The following APBB2 variants were observed in gnomAD, a reference collection of about 807,000 sequenced individuals.
APBB2 encodes the protein amyloid beta precursor protein binding family B member 2.
A neutral mutation model predicts 82.5 loss-of-function variants in APBB2; 38 were observed. The ratio of observed to expected loss-of-function variants is 0.46; its 90% CI spans 0.36 to 0.60. APBB2 has a LOEUF of 0.60. Among genes scored for constraint, APBB2 ranks in the 20% least tolerant of loss-of-function variants. APBB2 has a pLI of 0.00. For synonymous variants in APBB2, 341 were observed against 368.2 expected (o/e 0.93, Z 0.85); for missense variants, 772 against 972.3 (o/e 0.79, Z 2.74).
intron 4 of APBB2, among the ~76,000 whole-genome samples, chr4:41,043,262 G>A (rs1185493884): frequency 6.6e-6 from 1 of 152,080 alleles, no homozygotes; most frequent in Non-Finnish European, 1.5e-5. Flanking sequence ...TCCATCATTA[G>A]GAAACTGATT....
At chr4:40,854,394 C>T (rs1216966995) in intron 12 of APBB2, among the ~76,000 whole-genome samples, 3 of 152,226 alleles carry the variant, frequency 2.0e-5, no homozygotes, top group Admixed American at 6.5e-5. Context: ...ACCCATGAAA[C>T]GTATATGGAG....
At chr4:40,885,785 C>G (rs1472855128) in intron 12 of APBB2, among the ~76,000 whole-genome samples, 1 of 152,160 alleles carries the variant, frequency 6.6e-6, no homozygotes, top group Non-Finnish European at 1.5e-5. Flanking sequence ...GAAGTGTGTT[C>G]CATGTGATTG....
intron 4 of APBB2, among the ~76,000 whole-genome samples, chr4:41,049,188 C>G (rs987459084): frequency 6.7e-6 from 1 of 150,204 alleles, no homozygotes; most frequent in African/African-American, 2.5e-5. Flanking sequence ...GGGAGCGCCT[C>G]TGCCCCGCCG....
chr4:41,022,487 C>A lies in APBB2; in HGVS notation c.20-8089G>T, dbSNP rs79453547. Among the ~76,000 whole-genome samples, 1,266 of 152,328 alleles carry A rather than the reference C, an allele frequency of 8.3e-3. 20 individuals carry two copies. Among genetic ancestry groups the A allele is most frequent in the African/African-American group, 0.028 (1,148 of 41,570 alleles). ...TCTCAGTACCCTTCCTTCCCTCCAG[C>A]AAATTCCTACTCCTCTTTGAAGATT... On this transcript the variant is annotated intron_variant, in intron 5 of 17. Transcript: ENST00000508593.
intron 12 of APBB2, chr4:40,857,111 G>A: frequency 1.0e-6 from 1 of 985,484 alleles, no homozygotes; most frequent in Non-Finnish European, 1.2e-6. Flanking sequence ...CCAGCCAGCG[G>A]TGCCGTCGCT....
chr4:40,828,981 T>C (rs1243929268), intron 13 of APBB2, among the ~76,000 whole-genome samples: 1 of 152,002 alleles, frequency 6.6e-6, no homozygotes, highest in Non-Finnish European at 1.5e-5. Context: ...GGAAGAATTG[T>C]GGGAGTGAGG....
At chr4:41,086,108 CA>C (rs371477463) in intron 3 of APBB2, among the ~76,000 whole-genome samples, 321 of 152,038 alleles carry the variant, frequency 2.1e-3, no homozygotes, top group African/African-American at 7.3e-3. Context: ...CAAAACTTAC[CA>C]AAACTGAATC....
intron 4 of APBB2, among the ~76,000 whole-genome samples, chr4:41,054,047 A>G (rs141661800): frequency 1.4e-4 from 22 of 152,358 alleles, no homozygotes; most frequent in African/African-American, 5.1e-4. Flanking sequence ...CAACAAAAAG[A>G]AAGGAGTTGG....
chr4:40,828,294 CCAGTTACATA>C lies in APBB2; in HGVS notation c.1645-1085_1645-1076del, dbSNP rs60734276. Among the ~76,000 whole-genome samples, 214 of 152,300 alleles carry C rather than the reference CCAGTTACATA, an allele frequency of 1.4e-3. 2 individuals carry two copies. In the East Asian group the frequency reaches 0.02, roughly 14 times the overall value. On this transcript the variant is annotated intron_variant, in intron 13 of 17. Transcript: ENST00000508593. Reference sequence around the variant, plus strand: ...AAGCACTTTATACTCCTGTTCTCCACCAGTTACATACAGTGCTGTGGGTTTAGGGACTGAA... The same window carrying C: ...AAGCACTTTATACTCCTGTTCTCCACCAGTGCTGTGGGTTTAGGGACTGAA...
intron 10 of APBB2, among the ~76,000 whole-genome samples, chr4:40,916,870 G>C (rs1042146408): frequency 2.6e-5 from 4 of 152,198 alleles, no homozygotes; most frequent in African/African-American, 9.6e-5. Context: ...AGTATGCAGT[G>C]AACGGGAGAC....
At chr4:41,027,366 TA>T in intron 5 of APBB2, among the ~76,000 whole-genome samples, 1 of 8,806 alleles carries the variant, frequency 1.1e-4, no homozygotes, top group African/African-American at 3.7e-4. Context: ...TATTGTTACA[TA>T]TATATATATA....
At chr4:41,012,144 T>C (rs545808317) in intron 6 of APBB2, among the ~76,000 whole-genome samples, 1 of 152,336 alleles carries the variant, frequency 6.6e-6, no homozygotes, top group African/African-American at 2.4e-5. Context: ...CATGAGCCAC[T>C]GTGCCTGAAC....
At position 40,811,808 on chromosome 4, in the gene APBB2, GAACA is replaced by G. The variant is rs1744474770; in HGVS notation, c.*4280_*4283del. On this transcript the variant is annotated 3_prime_UTR_variant, in exon 18 of 18. Transcript: ENST00000508593. Reference sequence around the variant, plus strand: ...AGAAACCACTGTGGAAGTGCAAGATGAACAAAAAGCGGGGACATACTTTAAATTC... The same window carrying G: ...AGAAACCACTGTGGAAGTGCAAGATGAAAAGCGGGGACATACTTTAAATTC... The G allele has an allele frequency of 6.6e-6, 1 of 152,202 alleles. No individual in the cohort carries two copies. The highest frequency in any genetic ancestry group is 1.9e-4 in the East Asian group (1 of 5,206). 9.4% of individuals were successfully genotyped at this position (152,202 alleles called of 1,614,324 possible).
At chr4:40,904,801 G>A (rs1347799414) in intron 10 of APBB2, among the ~76,000 whole-genome samples, 1 of 151,648 alleles carries the variant, frequency 6.6e-6, no homozygotes, top group Non-Finnish European at 1.5e-5. Flanking sequence ...TCTCCATCCG[G>A]CTGAAGCAAG....
chr4:41,003,518 G>T (rs901073751), intron 6 of APBB2, among the ~76,000 whole-genome samples: 1 of 151,968 alleles, frequency 6.6e-6, no homozygotes, highest in Admixed American at 6.6e-5. Flanking sequence ...TTAAATTGAG[G>T]TGAAGTCATA....
At chr4:40,964,937 A>T (rs189161826) in intron 6 of APBB2, among the ~76,000 whole-genome samples, 6 of 152,146 alleles carry the variant, frequency 3.9e-5, no homozygotes, top group South Asian at 2.1e-4. Context: ...TGGCTAACAC[A>T]GTGAAACCCC....
At chr4:40,902,697 G>A (rs113166898) in intron 10 of APBB2, among the ~76,000 whole-genome samples, 5,853 of 152,102 alleles carry the variant, frequency 0.038, 363 homozygotes, top group African/African-American at 0.13. Flanking sequence ...CACCCTGCTA[G>A]TTTTTTATTT....
intron 10 of APBB2, among the ~76,000 whole-genome samples, chr4:40,899,763 T>C (rs1267235808): frequency 2.6e-5 from 4 of 152,244 alleles, no homozygotes; most frequent in Non-Finnish European, 5.9e-5. Context: ...TTCCTTTCTC[T>C]GGGCTTTAAT....
rs200187768 is a variant in APBB2 at position 41,117,297 on chromosome 4, T to TA, written c.-260-16548_-260-16547insT. Among the ~76,000 whole-genome samples, 110 of 71,698 alleles carry TA rather than the reference T, an allele frequency of 1.5e-3. 1 individual carries two copies. Among genetic ancestry groups the TA allele is most frequent in the Admixed American group, 3.7e-3 (31 of 8,446 alleles). 47.0% of individuals were successfully genotyped at this position (71,698 alleles called of 152,430 possible). On this transcript the variant is annotated intron_variant, in intron 2 of 17. Transcript: ENST00000508593. ...TTATTGTTGTTATTATTATTATTAT[T>TA]TTTTTTTTTTTTTGAGATGGAGTCT...
Sources: gnomAD v4.1 joint callset for allele counts (sites outside exome capture counted in the v4.1 genomes callset) on GRCh38, gnomAD v4.1.1 for gene constraint, MANE v1.5 for transcripts, NCBI Gene and HGNC (gene_info 2026-07-23, HGNC 2026-07-21) for gene names.